Variants in MGAT4C observed in about 807,000 individuals in gnomAD.
MGAT4C encodes the protein MGAT4 family member C, also known as alpha-1,3-mannosyl-glycoprotein 4-beta-N-acetylglucosaminyltransferase C.
In MGAT4C, 19 loss-of-function variants were observed where a neutral mutation model predicts 40.1. The observed-to-expected ratio is 0.47, with a 90% CI of 0.33 to 0.70. MGAT4C has a LOEUF of 0.70. MGAT4C is among the 30% of genes least tolerant of loss of function. The probability of loss-of-function intolerance (pLI) is 0.02; values close to 1 mark genes in which losing one functional copy is unlikely to be tolerated. For missense variants in MGAT4C, 491 were observed against 563.2 expected (o/e 0.87, Z 1.30); for synonymous variants, 181 against 187.1 (o/e 0.97, Z 0.27).
intron 1 of MGAT4C, among the ~76,000 whole-genome samples, chr12:86,135,949 A>G (rs371698255): frequency 6.6e-6 from 1 of 152,208 alleles, no homozygotes; most frequent in African/African-American, 2.4e-5. Flanking sequence ...TTAAACATGG[A>G]AAGATAAGAG....
chr12:86,043,859 T>C (rs936332347), intron 2 of MGAT4C, among the ~76,000 whole-genome samples: 1 of 152,234 alleles, frequency 6.6e-6, no homozygotes, highest in African/African-American at 2.4e-5. Context: ...ATGATCTGAA[T>C]TCTACTTCTG....
At chr12:86,393,584 T>C (rs1277032890) in intron 3 of MGAT4C, among the ~76,000 whole-genome samples, 1 of 152,164 alleles carries the variant, frequency 6.6e-6, no homozygotes, top group Non-Finnish European at 1.5e-5. Context: ...AACTCAATTG[T>C]TTTTAGAGAT....
chr12:86,249,604 A>C (rs1952180638), intron 1 of MGAT4C, among the ~76,000 whole-genome samples: 1 of 152,158 alleles, frequency 6.6e-6, no homozygotes, highest in Non-Finnish European at 1.5e-5. Context: ...TGCAGTTATG[A>C]CAGTTGTCCT....
At chr12:86,087,020 G>A (rs1871977232) in intron 1 of MGAT4C, among the ~76,000 whole-genome samples, 1 of 152,048 alleles carries the variant, frequency 6.6e-6, no homozygotes, top group African/African-American at 2.4e-5. Context: ...TCTTATGGCT[G>A]AATAATATTT....
chr12:86,139,542 A>G (rs1882531441), intron 1 of MGAT4C, among the ~76,000 whole-genome samples: 1 of 152,070 alleles, frequency 6.6e-6, no homozygotes, highest in Non-Finnish European at 1.5e-5. Flanking sequence ...TCATTATATA[A>G]GTAAAATATA....
Position 85,966,023 on chromosome 12 carries a change from T to C in MGAT4C, c.*13266A>G, listed in dbSNP as rs1362418370. 1.3e-5 allele frequency: 2 copies of C among 152,160 alleles called. No homozygotes were observed. Among genetic ancestry groups the C allele is most frequent in the Non-Finnish European group, 2.9e-5 (2 of 68,010 alleles). 9.4% of individuals were successfully genotyped at this position (152,160 alleles called of 1,614,324 possible). ...ATGTATAAAAAGGTATGTTAAGTAATTAAAAGTGTCAGGCATTATTTTCCT... is the reference window on the plus strand; with the variant it reads ...ATGTATAAAAAGGTATGTTAAGTAACTAAAAGTGTCAGGCATTATTTTCCT... On this transcript the variant is annotated 3_prime_UTR_variant, in exon 5 of 5. Transcript: ENST00000611864.
At position 85,976,848 on chromosome 12, in the gene MGAT4C, A is replaced by T. The variant is rs1884026663; in HGVS notation, c.*2441T>A. The T allele has an allele frequency of 6.6e-6, 1 of 150,868 alleles. No homozygotes were observed. The highest frequency in any genetic ancestry group is 2.1e-4 in the South Asian group (1 of 4,822). 9.3% of individuals were successfully genotyped at this position (150,868 alleles called of 1,614,324 possible). ...AGTTTCTAAATATAGGAAATAGAAC[A>T]TTGGGCCATGCTAAAAAAATTGTTC... is the stretch of plus-strand genomic sequence containing the variant. On this transcript the variant is annotated 3_prime_UTR_variant, in exon 5 of 5. Coordinates refer to ENST00000611864, the MANE Select transcript of MGAT4C (RefSeq NM_001351288.2).
At chr12:86,551,216 G>C (rs563485436) in intron 2 of MGAT4C, among the ~76,000 whole-genome samples, 6 of 152,068 alleles carry the variant, frequency 3.9e-5, no homozygotes, top group African/African-American at 7.2e-5. Context: ...ACCCTTTAAG[G>C]TTCCCCTGGT....
intron 1 of MGAT4C, among the ~76,000 whole-genome samples, chr12:86,782,470 C>T (rs913339687): frequency 5.9e-5 from 9 of 152,076 alleles, no homozygotes; most frequent in Admixed American, 1.3e-4. Context: ...AGTGAGCCAC[C>T]GCGCCCAGAC....
intron 1 of MGAT4C, among the ~76,000 whole-genome samples, chr12:86,174,169 A>T (rs1294138152): frequency 4.0e-5 from 6 of 151,214 alleles, no homozygotes; most frequent in Non-Finnish European, 8.9e-5. Flanking sequence ...AGAATAAAAA[A>T]CTGAATTAAA....
At chr12:86,444,042 T>C (rs184728771) in intron 2 of MGAT4C, among the ~76,000 whole-genome samples, 6 of 152,332 alleles carry the variant, frequency 3.9e-5, no homozygotes, top group Admixed American at 1.3e-4. Context: ...TAAACCCCTC[T>C]ACTACTTCAT....
intron 1 of MGAT4C, among the ~76,000 whole-genome samples, chr12:86,770,647 AG>A (rs1278818937): frequency 6.6e-6 from 1 of 152,124 alleles, no homozygotes; most frequent in Non-Finnish European, 1.5e-5. Flanking sequence ...CAGATGATTC[AG>A]GAATATATGT....
intron 2 of MGAT4C, among the ~76,000 whole-genome samples, chr12:86,696,796 T>G (rs945919409): frequency 1.4e-4 from 21 of 152,180 alleles, no homozygotes; most frequent in Non-Finnish European, 1.5e-5. Context: ...TCATGAGTTT[T>G]TTTTTAATAT....
chr12:86,508,190 T>C (rs927578902), intron 2 of MGAT4C, among the ~76,000 whole-genome samples: 24 of 152,124 alleles, frequency 1.6e-4, no homozygotes, highest in African/African-American at 4.8e-4. Context: ...GTATATCTCC[T>C]AATGCTATCC....
intron 1 of MGAT4C, among the ~76,000 whole-genome samples, chr12:86,222,402 T>A (rs1376902165): frequency 1.3e-5 from 2 of 152,190 alleles, no homozygotes. Context: ...CTGCACTCCA[T>A]CAAAAGTGAC....
chr12:86,559,948 A>G (rs759783475), intron 2 of MGAT4C, among the ~76,000 whole-genome samples: 2 of 152,012 alleles, frequency 1.3e-5, no homozygotes, highest in Non-Finnish European at 2.9e-5. Flanking sequence ...AGGCCCAAGT[A>G]AATAAAATCA....
intron 2 of MGAT4C, among the ~76,000 whole-genome samples, chr12:86,684,671 C>T (rs1950040266): frequency 6.6e-6 from 1 of 152,156 alleles, no homozygotes; most frequent in Non-Finnish European, 1.5e-5. Context: ...ATTCATATTT[C>T]TCCACATCCT....
At chr12:86,628,878 A>G (rs888188313) in intron 2 of MGAT4C, among the ~76,000 whole-genome samples, 2 of 152,130 alleles carry the variant, frequency 1.3e-5, no homozygotes, top group Non-Finnish European at 2.9e-5. Flanking sequence ...AATGACAGGA[A>G]CAAATTCACA....
intron 1 of MGAT4C, among the ~76,000 whole-genome samples, chr12:86,816,549 A>T (rs1952610955): frequency 6.6e-6 from 1 of 151,772 alleles, no homozygotes; most frequent in Admixed American, 6.6e-5. Flanking sequence ...CGTACCAGCA[A>T]AATTAAGTGT....
Sources: allele counts gnomAD v4.1 joint callset (sites outside exome capture counted in the v4.1 genomes callset), GRCh38; gene constraint gnomAD v4.1.1; transcripts MANE v1.5; gene names NCBI Gene and HGNC (gene_info 2026-07-23, HGNC 2026-07-21).